CCDC39: variants seen among roughly 807,000 people sequenced by gnomAD.
The protein encoded by CCDC39 is coiled-coil domain 39 molecular ruler complex subunit.
CCDC39 carries 113 observed loss-of-function variants against 121.0 expected under a neutral mutation model. The ratio of observed to expected loss-of-function variants is 0.93; its 90% CI spans 0.80 to 1.09. The LOEUF (loss-of-function observed/expected upper bound fraction) is 1.09, where lower values mean the gene tolerates loss of function less well. Ranked by LOEUF, CCDC39 falls within the 50% of genes least tolerant of loss-of-function variation. The pLI is 0.00. For missense variants in CCDC39, 1,063 were observed against 1,074.7 expected (o/e 0.99, Z 0.15); for synonymous variants, 349 against 352.2 (o/e 0.99, Z 0.10).
At chr3:180,640,267 AAGAC>A (rs1717925317) in intron 13 of CCDC39, among the ~76,000 whole-genome samples, 1 of 152,150 alleles carries the variant, frequency 6.6e-6, no homozygotes, top group African/African-American at 2.4e-5. Flanking sequence ...TGACAATTGA[AAGAC>A]AGGAAAGGTA....
intron 1 of CCDC39, among the ~76,000 whole-genome samples, chr3:180,671,283 C>T (rs1370342583): frequency 1.3e-5 from 2 of 151,824 alleles, no homozygotes; most frequent in Non-Finnish European, 2.9e-5. Flanking sequence ...AGTTACCACC[C>T]TTGTTTTAGA....
At chr3:180,668,168 G>A (rs1328254241) in intron 1 of CCDC39, among the ~76,000 whole-genome samples, 5 of 152,014 alleles carry the variant, frequency 3.3e-5, no homozygotes, top group East Asian at 1.9e-4. Context: ...ACTTGAGACC[G>A]GGAGTTCAAG....
chr3:180,652,381 A>G (rs1441555931), intron 7 of CCDC39, 115 bp from the exon 8 acceptor site: 1 of 528,012 alleles, frequency 1.9e-6, no homozygotes, highest in Non-Finnish European at 3.3e-6. Flanking sequence ...CACCCACAAA[A>G]GTAGTAGCCA....
rs1717164211 is a variant in CCDC39, at chr3:180,614,772, A to G, written c.*149T>C. The stretch of plus-strand genomic sequence containing the variant: ...TGAAGAAAACAGTAGAGAAAATGAG[A>G]ACGTTCCTTTTTTTTTAAAACTATC... On this transcript the variant is annotated 3_prime_UTR_variant, in exon 20 of 20. Coordinates refer to ENST00000476379, the MANE Select transcript of CCDC39 (RefSeq NM_181426.2). 1 of 628,922 alleles carries G rather than the reference A, an allele frequency of 1.6e-6. No homozygotes were observed. The highest frequency in any genetic ancestry group is 2.6e-6 in the Non-Finnish European group (1 of 387,502). The allele number at this position is 628,922 out of a possible 1,614,324, so 39.0% of individuals were successfully genotyped here.
At chr3:180,653,868 CTTGA>C (rs1250807104) in intron 7 of CCDC39, among the ~76,000 whole-genome samples, 1 of 151,996 alleles carries the variant, frequency 6.6e-6, no homozygotes, top group Non-Finnish European at 1.5e-5. Flanking sequence ...TAAATAATCT[CTTGA>C]TTATTTTTAA....
chr3:180,676,384 A>G lies in CCDC39; in HGVS notation c.90+2907T>C, dbSNP rs561085867. Among the ~76,000 whole-genome samples the G allele has an allele frequency of 9.7e-3, 1,461 of 150,654 alleles. 27 individuals carry two copies. Among genetic ancestry groups the G allele is most frequent in the African/African-American group, 0.031 (1,279 of 41,148 alleles). ...GAAGACATTTATGCAGCCAACAGAC[A>G]TGAAAAAATGCTCATCATCACTGGC... On this transcript the variant is annotated intron_variant, in intron 1 of 19. Coordinates refer to ENST00000476379, the MANE Select transcript of CCDC39 (RefSeq NM_181426.2).
intron 13 of CCDC39, among the ~76,000 whole-genome samples, chr3:180,636,381 A>T (rs1374084761): frequency 6.6e-6 from 1 of 151,858 alleles, no homozygotes; most frequent in Non-Finnish European, 1.5e-5. Flanking sequence ...TAAAATACCT[A>T]GGAATACAGC....
intron 2 of CCDC39, among the ~76,000 whole-genome samples, chr3:180,662,586 A>C (rs915824378): frequency 1.3e-5 from 2 of 152,106 alleles, no homozygotes; most frequent in Non-Finnish European, 2.9e-5. Context: ...TTGGAGGTTT[A>C]TTATTCTTTT....
chr3:180,635,599 C>T (rs1717806120), intron 13 of CCDC39, among the ~76,000 whole-genome samples: 2 of 152,182 alleles, frequency 1.3e-5, no homozygotes. Flanking sequence ...TGGCAGGGCA[C>T]TCCTTAAAGC....
intron 12 of CCDC39, among the ~76,000 whole-genome samples, chr3:180,643,505 G>A (rs1315739683): frequency 2.6e-5 from 4 of 152,204 alleles, no homozygotes; most frequent in Admixed American, 6.5e-5. Flanking sequence ...GAGATACCAT[G>A]TTTATCAAAT....
intron 1 of CCDC39, among the ~76,000 whole-genome samples, chr3:180,671,268 C>A (rs1518864): frequency 0.22 from 32,483 of 150,958 alleles, 3,781 homozygotes; most frequent in East Asian, 0.4. Context: ...ACCCAATCAC[C>A]TGGAAGTTAC....
At chr3:180,667,543 T>C (rs1368186829) in intron 1 of CCDC39, among the ~76,000 whole-genome samples, 1 of 152,176 alleles carries the variant, frequency 6.6e-6, no homozygotes, top group Non-Finnish European at 1.5e-5. Context: ...TCGATGTTAC[T>C]ATTGTGATTG....
intron 9 of CCDC39, among the ~76,000 whole-genome samples, chr3:180,649,339 C>T (rs1274174489): frequency 5.9e-5 from 9 of 152,120 alleles, no homozygotes; most frequent in Non-Finnish European, 1.3e-4. Flanking sequence ...ATTGATCTAC[C>T]ATGCCATGAT....
intron 8 of CCDC39, among the ~76,000 whole-genome samples, 183 bp downstream of exon 8, chr3:180,651,980 T>A (rs1195350855): frequency 2.0e-5 from 3 of 151,026 alleles, no homozygotes; most frequent in Admixed American, 6.6e-5. Context: ...GAGCTTGCAG[T>A]GAGCTGAGAT....
At chr3:180,671,554 G>A (rs1712048636) in intron 1 of CCDC39, among the ~76,000 whole-genome samples, 1 of 152,156 alleles carries the variant, frequency 6.6e-6, no homozygotes, top group South Asian at 2.1e-4. Context: ...TGCCTTCCCT[G>A]CATCAAAAGA....
intron 14 of CCDC39, among the ~76,000 whole-genome samples, chr3:180,629,616 G>C (rs1717647578): frequency 6.6e-6 from 1 of 152,136 alleles, no homozygotes; most frequent in East Asian, 1.9e-4. Context: ...GCTAGACTGA[G>C]TTTAGTTATT....
At position 180,659,378 on chromosome 3, in the gene CCDC39, C is replaced by T. The variant is rs1466933852; in HGVS notation, c.738+74G>A. On this transcript the variant is annotated intron_variant, in intron 6 of 19. Coordinates refer to ENST00000476379, the MANE Select transcript of CCDC39 (RefSeq NM_181426.2). ...GACTTTCAAATAACAATGTGATTTACATTTGGAATAATGAGTTAAATACAA... is the reference window on the plus strand; with the variant it reads ...GACTTTCAAATAACAATGTGATTTATATTTGGAATAATGAGTTAAATACAA... The T allele has an allele frequency of 1.5e-5, 24 of 1,551,534 alleles. No individual in the cohort carries two copies. The East Asian group carries it at 4.5e-4, about 29-fold the overall frequency.
At chr3:180,637,946 G>T (rs1013230643) in intron 13 of CCDC39, among the ~76,000 whole-genome samples, 1 of 151,824 alleles carries the variant, frequency 6.6e-6, no homozygotes, top group Non-Finnish European at 1.5e-5. Flanking sequence ...GTGAAAGGAG[G>T]GATAAAAACA....
chr3:180,659,218 G>T (rs148241254), intron 6 of CCDC39, among the ~76,000 whole-genome samples: 1 of 152,194 alleles, frequency 6.6e-6, no homozygotes, highest in African/African-American at 2.4e-5. Context: ...TTCTTGTTCC[G>T]CAATTCTGAG....
Sources: gnomAD v4.1 joint callset for allele counts (sites outside exome capture counted in the v4.1 genomes callset) on GRCh38, gnomAD v4.1.1 for gene constraint, MANE v1.5 for transcripts, NCBI Gene and HGNC (gene_info 2026-07-23, HGNC 2026-07-21) for gene names.